Variants in TC2N observed in about 807,000 individuals in gnomAD.
TC2N encodes tandem C2 domains nuclear protein.
A neutral mutation model predicts 61.9 loss-of-function variants in TC2N; 51 were observed. The ratio of observed to expected loss-of-function variants is 0.82; its 90% confidence interval spans 0.66 to 1.04. The LOEUF is 1.04. Ranked by LOEUF, TC2N falls within the 50% of genes least tolerant of loss-of-function variation. The pLI is 0.00. For missense variants in TC2N, 556 were observed against 566.7 expected, an observed-to-expected ratio of 0.98 and a Z score of 0.19; for synonymous variants, 204 against 192.6, an observed-to-expected ratio of 1.06 and a Z score of -0.49.
intron 1 of TC2N, among the ~76,000 whole-genome samples, chr14:91,858,109 G>A (rs1486407216): frequency 6.6e-6 from 1 of 150,426 alleles, no homozygotes. Flanking sequence ...GGGACCACAG[G>A]CATGCACCAC....
chr14:91,858,851 A>G (rs1475607329), intron 1 of TC2N, among the ~76,000 whole-genome samples: 1 of 152,110 alleles, frequency 6.6e-6, no homozygotes, highest in Non-Finnish European at 1.5e-5. Context: ...TCCTCTACAC[A>G]TGTTCCCAAT....
At position 91,785,347 on chromosome 14, in the gene TC2N, C is replaced by A. The variant is rs778204134; in HGVS notation, c.1177G>T (p.Val393Leu). ...AACTCTCCCGAGCTAAACATTCCCA[C>A]CTTCACGAAAAAACCTAAAAAATTA... ...TPLTLSFFVK[V>L]GMFSSGELIY... The change falls in exon 11 of 12, where the codon GTG (valine) becomes TTG (leucine). Residue 393 changes from valine (V) to leucine (L), a missense_variant. By Grantham distance (32) the Val-to-Leu change is conservative. Coordinates refer to ENST00000435962, the MANE Select transcript of TC2N (RefSeq NM_001128596.3). 1 of 1,611,778 alleles carries A rather than the reference C, an allele frequency of 6.2e-7. No individual in the cohort carries two copies. The highest frequency in any genetic ancestry group is 2.2e-5 in the East Asian group (1 of 44,802).
intron 3 of TC2N, among the ~76,000 whole-genome samples, chr14:91,810,916 C>T (rs1430352473): frequency 6.7e-6 from 1 of 149,834 alleles, no homozygotes; most frequent in Admixed American, 6.6e-5. Context: ...AAAGGTTCAA[C>T]ATAGGTATAA....
At chr14:91,829,265 C>A (rs1273906060) in intron 1 of TC2N, among the ~76,000 whole-genome samples, 3 of 151,966 alleles carry the variant, frequency 2.0e-5, no homozygotes, top group African/African-American at 7.2e-5. Context: ...TTGCCCATTT[C>A]TTTTCTCTTT....
At position 91,787,620 on chromosome 14, in the gene TC2N, T is replaced by C. The variant is rs770652649; in HGVS notation, c.1055A>G (p.His352Arg). Residue 352 changes from histidine to arginine, a missense_variant, in exon 10 of 12, where the codon CAT (histidine) becomes CGT (arginine). Physicochemically the swap from His to Arg is conservative, Grantham distance 29. Coordinates refer to ENST00000435962, the MANE Select transcript of TC2N (RefSeq NM_001128596.3). ...ACAAGTCCCCAATTCAAGTTCTGCA[T>C]GGCAAACCTGCATATCAAAAAAGTG... ...ITPPSKISVC[H>R]AELELGTCFQ... 2.5e-6 allele frequency: 4 copies of C among 1,593,506 alleles called. No homozygotes were observed. The South Asian group carries it at 4.5e-5, about 18-fold the overall frequency.
intron 11 of TC2N, among the ~76,000 whole-genome samples, chr14:91,784,208 T>C (rs1343365877): frequency 6.6e-6 from 1 of 152,084 alleles, no homozygotes; most frequent in Non-Finnish European, 1.5e-5. Context: ...CTCAAGTAAA[T>C]TTCCTATTCC....
chr14:91,803,430 T>C (rs1408516680), intron 3 of TC2N, among the ~76,000 whole-genome samples: 3 of 138,492 alleles, frequency 2.2e-5, no homozygotes, highest in Admixed American at 2.1e-4. Context: ...CACACACACA[T>C]ATATATATAT....
chr14:91,844,186 G>C (rs72631605), intron 1 of TC2N, among the ~76,000 whole-genome samples: 5 of 152,132 alleles, frequency 3.3e-5, no homozygotes, highest in Admixed American at 3.3e-4. Context: ...GGCCAGAGAG[G>C]CATACCCTTC....
chr14:91,805,104 C>T (rs1036213866), intron 3 of TC2N, among the ~76,000 whole-genome samples: 2 of 152,130 alleles, frequency 1.3e-5, no homozygotes, highest in African/African-American at 2.4e-5. Context: ...CTATGGACCA[C>T]ATATACGACA....
intron 1 of TC2N, among the ~76,000 whole-genome samples, chr14:91,836,757 G>C (rs900648231): frequency 6.6e-6 from 1 of 152,170 alleles, no homozygotes; most frequent in Non-Finnish European, 1.5e-5. Flanking sequence ...TTCCTGGGAA[G>C]GTGTAAAATG....
intron 1 of TC2N, among the ~76,000 whole-genome samples, chr14:91,844,751 ACT>A (rs1888234785): frequency 8.5e-6 from 1 of 116,984 alleles, no homozygotes; most frequent in African/African-American, 3.6e-5. Context: ...ACAGAGCGAG[ACT>A]CTGTCTCAAA....
intron 1 of TC2N, among the ~76,000 whole-genome samples, chr14:91,854,495 G>A (rs374286744): frequency 4.5e-4 from 53 of 117,760 alleles, no homozygotes; most frequent in African/African-American, 1.8e-3. Flanking sequence ...AGGTGGAGAG[G>A]AGGAGAAGGA....
intron 8 of TC2N, among the ~76,000 whole-genome samples, chr14:91,793,731 C>CA (rs1885769874): frequency 6.6e-6 from 1 of 152,140 alleles, no homozygotes; most frequent in Admixed American, 6.5e-5. Flanking sequence ...GCTGTTCCAT[C>CA]TCTCTCCCTC....
chr14:91,855,685 A>G (rs1452851617), intron 1 of TC2N, among the ~76,000 whole-genome samples: 1 of 152,178 alleles, frequency 6.6e-6, no homozygotes, highest in African/African-American at 2.4e-5. Flanking sequence ...TATTCAACTC[A>G]CTACAGTGTT....
chr14:91,791,641 T>C (rs1034860538), intron 9 of TC2N, among the ~76,000 whole-genome samples: 2 of 152,186 alleles, frequency 1.3e-5, no homozygotes, highest in African/African-American at 4.8e-5. Context: ...AGCTGCTGTA[T>C]AGCTTACTCA....
chr14:91,790,404 A>G (rs1250345379), intron 9 of TC2N, among the ~76,000 whole-genome samples: 2 of 152,200 alleles, frequency 1.3e-5, no homozygotes, highest in South Asian at 2.1e-4. Context: ...AAAACAAAGC[A>G]TACTATTATT....
chr14:91,783,277 GTTACTC>G (rs1283141283), intron 11 of TC2N, 67 bp from the exon 12 acceptor site: 1 of 853,324 alleles, frequency 1.2e-6, no homozygotes, highest in Non-Finnish European at 1.9e-6. Context: ...CAGACAGTTA[GTTACTC>G]TTACTGATGG....
intron 1 of TC2N, among the ~76,000 whole-genome samples, chr14:91,818,664 T>C (rs780245614): frequency 9.5e-4 from 144 of 151,750 alleles, no homozygotes; most frequent in African/African-American, 3.4e-3. Flanking sequence ...GTTCAAAAGG[T>C]TAAGTAGAGA....
intron 1 of TC2N, among the ~76,000 whole-genome samples, chr14:91,850,394 C>G (rs1172235166): frequency 6.6e-6 from 1 of 152,114 alleles, no homozygotes; most frequent in Non-Finnish European, 1.5e-5. Flanking sequence ...AGCGGGGGTC[C>G]CCAAACCCCA....
Sources: gnomAD v4.1 joint callset for allele counts (sites outside exome capture counted in the v4.1 genomes callset) on GRCh38, gnomAD v4.1.1 for gene constraint, MANE v1.5 for transcripts, NCBI Gene and HGNC (gene_info 2026-07-23, HGNC 2026-07-21) for gene names.